Variants in FHIT observed in about 807,000 individuals in gnomAD.
FHIT encodes fragile histidine triad diadenosine triphosphatase.
In FHIT, 19 loss-of-function variants were observed where a neutral mutation model predicts 17.9. The ratio of observed to expected loss-of-function variants is 1.06; its 90% CI spans 0.74 to 1.56. The LOEUF is 1.56. Among genes scored for constraint, FHIT ranks in the 40% most tolerant of loss-of-function variants. The probability of loss-of-function intolerance (pLI) is 0.00; values close to 1 mark genes in which losing one functional copy is unlikely to be tolerated. For missense variants in FHIT, 248 were observed against 189.2 expected, an observed-to-expected ratio of 1.31 and a Z score of -1.82; for synonymous variants, 81 against 69.7, an observed-to-expected ratio of 1.16 and a Z score of -0.81.
chr3:60,133,022 G>A (rs1485159847), intron 5 of FHIT, among the ~76,000 whole-genome samples: 1 of 152,096 alleles, frequency 6.6e-6, no homozygotes, highest in Non-Finnish European at 1.5e-5. Context: ...ATATAGCAGT[G>A]ACTGTACACC....
intron 4 of FHIT, among the ~76,000 whole-genome samples, chr3:60,746,123 A>C (rs1553715291): frequency 6.6e-6 from 1 of 152,234 alleles, no homozygotes; most frequent in African/African-American, 2.4e-5. Flanking sequence ...CTCTGGGTCA[A>C]TCAACTGTTC....
intron 5 of FHIT, among the ~76,000 whole-genome samples, chr3:60,344,686 T>C (rs572921526): frequency 7.9e-5 from 12 of 152,196 alleles, no homozygotes; most frequent in Non-Finnish European, 1.6e-4. Flanking sequence ...CTTTTAGGGT[T>C]TGTCAGGAAA....
At position 60,618,575 on chromosome 3, in the gene FHIT, C is replaced by G. The variant is rs528022912; in HGVS notation, c.-17-81596G>C. On this transcript the variant is annotated intron_variant, in intron 4 of 9. Transcript: ENST00000492590. ...TGCGTTAATTTGCTGAGGGCAAAAC[C>G]TGATTACTTTGAAAACAAGTTCTAC... Among the ~76,000 whole-genome samples the G allele has an allele frequency of 4.6e-5, 7 of 152,302 alleles. No homozygotes were observed. In the South Asian group the frequency reaches 1.5e-3, roughly 32 times the overall value.
intron 5 of FHIT, among the ~76,000 whole-genome samples, chr3:60,441,066 C>T (rs560029969): frequency 6.6e-6 from 1 of 152,162 alleles, no homozygotes; most frequent in Admixed American, 6.6e-5. Flanking sequence ...GTTCTTAGAA[C>T]TTGCTGCTGT....
intron 8 of FHIT, among the ~76,000 whole-genome samples, chr3:59,872,517 G>A (rs1702968841): frequency 6.6e-6 from 1 of 152,116 alleles, no homozygotes; most frequent in African/African-American, 2.4e-5. Flanking sequence ...AATTCCAGAG[G>A]GAATGGCCTT....
At chr3:60,449,463 G>A (rs927430371) in intron 5 of FHIT, among the ~76,000 whole-genome samples, 1 of 151,522 alleles carries the variant, frequency 6.6e-6, no homozygotes, top group Non-Finnish European at 1.5e-5. Flanking sequence ...CAGTAATGTG[G>A]CACTTAATAA....
At chr3:60,434,254 T>C (rs1191303717) in intron 5 of FHIT, among the ~76,000 whole-genome samples, 1 of 152,162 alleles carries the variant, frequency 6.6e-6, no homozygotes, top group African/African-American at 2.4e-5. Context: ...TCTCAGCATT[T>C]AGAAAATAAA....
intron 5 of FHIT, among the ~76,000 whole-genome samples, chr3:60,041,005 A>G (rs1701415718): frequency 6.6e-6 from 1 of 152,202 alleles, no homozygotes; most frequent in African/African-American, 2.4e-5. Context: ...CAAAGGAGAT[A>G]AACCACAGGT....
intron 1 of FHIT, among the ~76,000 whole-genome samples, chr3:61,223,392 T>C (rs2039889615): frequency 6.6e-6 from 1 of 152,130 alleles, no homozygotes; most frequent in South Asian, 2.1e-4. Flanking sequence ...ACCAAATACA[T>C]ACCACCCTCA....
intron 5 of FHIT, among the ~76,000 whole-genome samples, chr3:60,060,965 G>A (rs1242799893): frequency 6.6e-6 from 1 of 152,196 alleles, no homozygotes; most frequent in African/African-American, 2.4e-5. Context: ...ATATATTAGA[G>A]TTTCTATCTC....
chr3:60,676,720 G>A (rs782637742), intron 4 of FHIT, among the ~76,000 whole-genome samples: 9 of 152,150 alleles, frequency 5.9e-5, no homozygotes, highest in Non-Finnish European at 1.3e-4. Flanking sequence ...GACCAAATAG[G>A]TTTTGATCTT....
chr3:61,024,256 A>C (rs2032615085), intron 3 of FHIT, among the ~76,000 whole-genome samples: 3 of 152,156 alleles, frequency 2.0e-5, no homozygotes, highest in Admixed American at 2.0e-4. Context: ...GCTTCAAAGG[A>C]CTTTCTAAAG....
intron 4 of FHIT, among the ~76,000 whole-genome samples, chr3:60,766,575 C>T (rs1471209910): frequency 6.6e-6 from 1 of 152,164 alleles, no homozygotes; most frequent in Non-Finnish European, 1.5e-5. Flanking sequence ...CCTATAACAT[C>T]TCAACAGATT....
At chr3:60,787,744 T>G (rs562929020) in intron 4 of FHIT, among the ~76,000 whole-genome samples, 1 of 152,338 alleles carries the variant, frequency 6.6e-6, no homozygotes, top group African/African-American at 2.4e-5. Context: ...CACAGAGAAG[T>G]GAAAAATTTG....
At chr3:60,857,846 T>A (rs1559775775) in intron 3 of FHIT, among the ~76,000 whole-genome samples, 1 of 152,182 alleles carries the variant, frequency 6.6e-6, no homozygotes, top group Non-Finnish European at 1.5e-5. Flanking sequence ...GAGGATCAAC[T>A]GAGCCCAGGA....
intron 5 of FHIT, among the ~76,000 whole-genome samples, chr3:60,073,652 A>T (rs748274329): frequency 4.0e-5 from 6 of 151,744 alleles, no homozygotes; most frequent in Admixed American, 1.3e-4. Flanking sequence ...TACCAAATCT[A>T]TTTTCTCATG....
chr3:60,014,062 ACT>A lies in FHIT; in HGVS notation c.192_193del (p.Arg64SerfsTer47). 1 of 1,613,840 alleles carries A rather than the reference ACT, an allele frequency of 6.2e-7. No individual in the cohort carries two copies. The highest frequency in any genetic ancestry group is 1.3e-5 in the African/African-American group (1 of 74,958). ...GAAATGTTTTTCCACCACTGTCCCG[ACT>A]CTCTGGGTCGTCTGAAACAAATCGG... On this transcript the variant is annotated frameshift_variant, in exon 6 of 10. Coordinates refer to ENST00000492590, the MANE Select transcript of FHIT (RefSeq NM_002012.4). LOFTEE classifies it high-confidence loss of function.
intron 7 of FHIT, among the ~76,000 whole-genome samples, chr3:59,974,528 C>A (rs547403410): frequency 6.6e-6 from 1 of 152,128 alleles, no homozygotes; most frequent in Non-Finnish European, 1.5e-5. Flanking sequence ...TTATTTTCTA[C>A]CTCATCTGTC....
At chr3:60,184,775 G>T (rs762505999) in intron 5 of FHIT, among the ~76,000 whole-genome samples, 12 of 151,972 alleles carry the variant, frequency 7.9e-5, no homozygotes, top group Non-Finnish European at 1.5e-4. Flanking sequence ...CTGCTAAACA[G>T]ATTTTTCAAT....
Sources: gnomAD v4.1 joint callset for allele counts (sites outside exome capture counted in the v4.1 genomes callset) on GRCh38, gnomAD v4.1.1 for gene constraint, MANE v1.5 for transcripts, NCBI Gene and HGNC (gene_info 2026-07-23, HGNC 2026-07-21) for gene names.